NOS2: variants seen among roughly 807,000 people sequenced by gnomAD.
NOS2 encodes nitric oxide synthase, inducible.
Under a neutral mutation model 136.0 loss-of-function variants are expected in NOS2, and 96 were observed. The observed-to-expected ratio is 0.71, with a 90% CI of 0.60 to 0.84. NOS2 has a LOEUF of 0.84. Ranked by LOEUF, NOS2 falls within the 40% of genes least tolerant of loss-of-function variation. The probability of loss-of-function intolerance (pLI) is 0.00; values close to 1 mark genes in which losing one functional copy is unlikely to be tolerated. For missense variants in NOS2, 1,237 were observed against 1,496.9 expected (o/e 0.83, Z 2.87); for synonymous variants, 539 against 587.5 (o/e 0.92, Z 1.20).
At chr17:27,782,483 C>T (rs1908883090) in intron 6 of NOS2, among the ~76,000 whole-genome samples, 1 of 152,192 alleles carries the variant, frequency 6.6e-6, no homozygotes, top group Admixed American at 6.5e-5. Flanking sequence ...GAGTTGGTTT[C>T]ACTGGCAGTT....
rs967285887 is a variant in NOS2 at position 27,800,489 on chromosome 17, C to T, written c.-224G>A. The T allele has an allele frequency of 6.6e-6, 1 of 152,166 alleles. No individual in the cohort carries two copies. The highest frequency in any genetic ancestry group is 6.6e-5 in the Admixed American group (1 of 15,266). The allele number at this position is 152,166 out of a possible 1,614,324, so 9.4% of individuals were successfully genotyped here. A position where few individuals can be genotyped will look rare whatever the true frequency, so the allele number is the denominator to read the frequency against. ...TAAAGCAGGAATGAGGCTGAGTTCT[C>T]TGCGGCCGGAGCCTCAGTTTTCGAC... On this transcript the variant is annotated 5_prime_UTR_variant, in exon 1 of 27. Transcript: ENST00000313735.
At chr17:27,763,341 A>T (rs1763726616) in intron 21 of NOS2, among the ~76,000 whole-genome samples, 1 of 152,210 alleles carries the variant, frequency 6.6e-6, no homozygotes, top group Non-Finnish European at 1.5e-5. Flanking sequence ...TAGCTGTGGA[A>T]TCTTGTCCCA....
chr17:27,793,805 G>T, intron 2 of NOS2: 1 of 374,458 alleles, frequency 2.7e-6, no homozygotes, highest in Admixed American at 4.6e-5. Context: ...GCCGAGCAGC[G>T]GCGGGGGCTC....
chr17:27,793,959 C>T (rs1269323015), intron 2 of NOS2, among the ~76,000 whole-genome samples: 3 of 152,218 alleles, frequency 2.0e-5, no homozygotes, highest in Non-Finnish European at 4.4e-5. Context: ...CTAAGATGCC[C>T]GGGTCGTGTT....
chr17:27,786,725 C>T (rs1396407574), intron 5 of NOS2, among the ~76,000 whole-genome samples: 1 of 152,130 alleles, frequency 6.6e-6, no homozygotes, highest in African/African-American at 2.4e-5. Flanking sequence ...CTATTATTAT[C>T]ACCATTTTCG....
chr17:27,787,173 T>G (rs368546995), intron 5 of NOS2, among the ~76,000 whole-genome samples: 87 of 152,316 alleles, frequency 5.7e-4, no homozygotes, highest in African/African-American at 2.0e-3. Context: ...AGCTTCCATG[T>G]TCACACCTGT....
Position 27,769,525 on chromosome 17 carries a change from A to G in NOS2, c.1859+10T>C. On this transcript the variant is annotated intron_variant, in intron 16 of 26. Coordinates refer to ENST00000313735, the MANE Select transcript of NOS2 (RefSeq NM_000625.4). The stretch of plus-strand genomic sequence containing the variant: ...CAGGGCTAGGAGTAGGACAACGGAA[A>G]AAGCTTTACCTGAATTTGTTGTTGA... The G allele has an allele frequency of 6.2e-7, 1 of 1,612,626 alleles. No homozygotes were observed. Among genetic ancestry groups the G allele is most frequent in the Non-Finnish European group, 8.5e-7 (1 of 1,178,940 alleles).
Position 27,778,204 on chromosome 17 carries a change from C to CT in NOS2, c.1281+485dup, listed in dbSNP as rs998487573. Among the ~76,000 whole-genome samples the CT allele has an allele frequency of 2.5e-3, 374 of 148,838 alleles. 1 individual carries two copies. The highest frequency in any genetic ancestry group is 5.6e-3 in the African/African-American group (227 of 40,770). On this transcript the variant is annotated intron_variant, in intron 11 of 26. Coordinates refer to ENST00000313735, the MANE Select transcript of NOS2 (RefSeq NM_000625.4). ...TACATGGCACGGTCAGGGAGGCCTTCTTTTTTTTTTGAGCGGAGTCTTGCT... is the reference window on the plus strand; with the variant it reads ...TACATGGCACGGTCAGGGAGGCCTTCTTTTTTTTTTTGAGCGGAGTCTTGCT...
At position 27,764,009 on chromosome 17, in the gene NOS2, T is replaced by C. The variant is rs773484918; in HGVS notation, c.2564A>G (p.Glu855Gly). The change falls in exon 21 of 27, where the codon GAG (glutamate) becomes GGG (glycine). Residue 855 changes from glutamate (E) to glycine (G), a missense_variant. Coordinates refer to ENST00000313735, the MANE Select transcript of NOS2 (RefSeq NM_000625.4). ...KLAQVATEEP[E>G]RQRLEALCQP... ...GCACAGGGCCTCCAGCCTCTGTCTC[T>C]CAGGCTCTTCTGTGGCCACCTGGGC... The C allele has an allele frequency of 6.2e-7, 1 of 1,613,748 alleles. No individual in the cohort carries two copies. The highest frequency in any genetic ancestry group is 1.7e-5 in the Admixed American group (1 of 59,998).
chr17:27,764,907 G>A (rs9282800), intron 20 of NOS2, among the ~76,000 whole-genome samples: 495 of 152,300 alleles, frequency 3.3e-3, no homozygotes, highest in Non-Finnish European at 5.0e-3. Flanking sequence ...CTGTCTTGTC[G>A]TCCCCACGTC....
chr17:27,766,675 C>T, intron 18 of NOS2, 87 bp from the exon 19 acceptor site: 1 of 989,960 alleles, frequency 1.0e-6, no homozygotes, highest in South Asian at 1.3e-5. Flanking sequence ...TCAGTGACAT[C>T]TGAACACCAC....
chr17:27,768,872 C>A, intron 17 of NOS2, 105 bp downstream of exon 17: 6 of 1,264,784 alleles, frequency 4.7e-6, no homozygotes, highest in Non-Finnish European at 5.3e-6. Flanking sequence ...ATCTACAGGA[C>A]CACAGGCAGA....
rs1908309555 is a variant in NOS2, at chr17:27,766,567, T to C, written c.2189A>G (p.Lys730Arg). Reference sequence around the variant, plus strand: ...TTTGAGCCTCATGGTGAACACGTTCTTGGCATGCATGCTGCTGAGGGCTGT... The same window carrying C: ...TTTGAGCCTCATGGTGAACACGTTCCTGGCATGCATGCTGCTGAGGGCTGT... The part of the protein sequence containing the change: ...LSKALSSMHA[K>R]NVFTMRLKSR... The change falls in exon 19 of 27, where the codon AAG (lysine) becomes AGG (arginine). Residue 730 changes from lysine to arginine, a missense_variant. Lys to Arg is a conservative substitution (Grantham distance 26). Coordinates refer to ENST00000313735, the MANE Select transcript of NOS2 (RefSeq NM_000625.4). 1 of 1,614,132 alleles carries C rather than the reference T, an allele frequency of 6.2e-7. No homozygotes were observed. Among genetic ancestry groups the C allele is most frequent in the Non-Finnish European group, 8.5e-7 (1 of 1,179,984 alleles).
intron 12 of NOS2, among the ~76,000 whole-genome samples, chr17:27,773,577 G>A (rs1370141260): frequency 5.3e-5 from 8 of 152,126 alleles, no homozygotes; most frequent in East Asian, 3.9e-4. Context: ...AGTCCCAACC[G>A]AGACACCTTT....
At chr17:27,764,209 G>A (rs1054985117) in intron 20 of NOS2, 65 bp from the exon 21 acceptor site, 6 of 985,314 alleles carry the variant, frequency 6.1e-6, no homozygotes, top group Middle Eastern at 3.8e-4. Context: ...AGCAGGTAGC[G>A]AGGCCCCCAG....
rs199927159 is a variant in NOS2 at position 27,759,026 on chromosome 17, C to T, written c.3209G>A (p.Arg1070His). The change falls in exon 26 of 27, where the codon CGT becomes CAT. Residue 1070 changes from arginine to histidine, a missense_variant. Around this residue, in one of 3 missense-constraint regions of NOS2, gnomAD observed 782 missense variants for 909.9 expected, o/e 0.86. Coordinates refer to ENST00000313735, the MANE Select transcript of NOS2 (RefSeq NM_000625.4). ...LRQQLASEVL[R>H]VLHKEPGHLY... ...GTGGCCTGGCTCCTTGTGGAGCACA[C>T]GGAGCACCTCGCTGGCCAGCTGCTG... is the stretch of plus-strand genomic sequence containing the variant. 1.0e-4 allele frequency: 162 copies of T among 1,609,292 alleles called. No homozygotes were observed. The South Asian group carries it at 1.6e-3, about 16-fold the overall frequency.
chr17:27,772,138 TA>T (rs1193765172), intron 14 of NOS2, among the ~76,000 whole-genome samples, 169 bp downstream of exon 14: 1 of 152,230 alleles, frequency 6.6e-6, no homozygotes, highest in African/African-American at 2.4e-5. Flanking sequence ...ATCTACTGTG[TA>T]AGTTTTGGAA....
At chr17:27,780,457 C>G (rs1325219365) in intron 9 of NOS2, among the ~76,000 whole-genome samples, 1 of 152,202 alleles carries the variant, frequency 6.6e-6, no homozygotes, top group Non-Finnish European at 1.5e-5. Context: ...GCCTGGGCTG[C>G]TCCTTTCTAG....
chr17:27,782,868 G>C (rs1312483067), intron 6 of NOS2, 76 bp downstream of exon 6: 17 of 1,431,570 alleles, frequency 1.2e-5, no homozygotes, highest in Non-Finnish European at 1.7e-5. Context: ...GCACAGCTCT[G>C]TGTGGCTGTT....
Sources: gnomAD v4.1 joint callset for allele counts (sites outside exome capture counted in the v4.1 genomes callset) on GRCh38, gnomAD v4.1.1 for gene constraint, gnomAD v4.1.1 regional missense constraint, MANE v1.5 for transcripts, NCBI Gene and HGNC (gene_info 2026-07-23, HGNC 2026-07-21) for gene names.